SLC9A9: variants seen among roughly 807,000 people sequenced by gnomAD.
SLC9A9 encodes solute carrier family 9 member A9, also known as sodium/hydrogen exchanger 9.
SLC9A9 carries 62 observed loss-of-function variants against 77.8 expected under a neutral mutation model. The observed-to-expected ratio is 0.80, with a 90% confidence interval of 0.65 to 0.98. The LOEUF is 0.98. Among genes scored for constraint, SLC9A9 ranks in the 50% least tolerant of loss-of-function variants. The probability of loss-of-function intolerance (pLI) is 0.00; values close to 1 mark genes in which losing one functional copy is unlikely to be tolerated. For missense variants in SLC9A9, 775 were observed against 774.9 expected, an observed-to-expected ratio of 1.00 and a Z score of 0.00; for synonymous variants, 320 against 283.5, an observed-to-expected ratio of 1.13 and a Z score of -1.29.
chr3:143,635,110 G>A (rs1016632226), intron 6 of SLC9A9, among the ~76,000 whole-genome samples: 10 of 152,144 alleles, frequency 6.6e-5, no homozygotes, highest in Admixed American at 2.0e-4. Flanking sequence ...TCTGCTCCAC[G>A]TGGTATCAGC....
chr3:143,392,368 A>G (rs1380417207), intron 12 of SLC9A9, among the ~76,000 whole-genome samples: 1 of 152,202 alleles, frequency 6.6e-6, no homozygotes, highest in Admixed American at 6.5e-5. Flanking sequence ...TAAGTGAAGG[A>G]GAAATAAAAT....
At chr3:143,596,508 T>C (rs1188871640) in intron 6 of SLC9A9, among the ~76,000 whole-genome samples, 1 of 152,206 alleles carries the variant, frequency 6.6e-6, no homozygotes, top group East Asian at 1.9e-4. Flanking sequence ...TTCGGTTTCC[T>C]CATAGATAGA....
rs1357022577 is a variant in SLC9A9, at chr3:143,743,237, GGATGGATA to G, written c.534-49938_534-49931del. ...TGGATGGATGGATGGATGGATGGATGGATGGATAGATAGATAGATAGATAGATAGATAG... is the reference window on the plus strand; with the variant it reads ...TGGATGGATGGATGGATGGATGGATGGATAGATAGATAGATAGATAGATAG... On this transcript the variant is annotated intron_variant, in intron 4 of 15. Transcript: ENST00000316549. Among the ~76,000 whole-genome samples the G allele has an allele frequency of 4.9e-3, 664 of 134,388 alleles. 5 individuals carry two copies. The highest frequency in any genetic ancestry group is 0.011 in the African/African-American group (385 of 35,086). 88.2% of individuals were successfully genotyped at this position (134,388 alleles called of 152,430 possible). A position where few individuals can be genotyped will look rare whatever the true frequency, so the allele number is the denominator to read the frequency against.
In SLC9A9 at chr3:143,304,546, C is replaced by A. The variant is rs188325390; in HGVS notation, c.1605-35566G>T. On this transcript the variant is annotated intron_variant, in intron 14 of 15. Transcript: ENST00000316549. ...TGGCTTCATCTTGGCAGCATTCAGG[C>A]CTTGGGTTAAGAACTTGGTTTCGAG... 2.7e-3 allele frequency among the ~76,000 whole-genome samples: 406 copies of A among 152,298 alleles called. 2 individuals are homozygous for A. The highest frequency in any genetic ancestry group is 9.7e-3 in the African/African-American group (402 of 41,546).
chr3:143,828,774 T>C (rs2009364354), intron 2 of SLC9A9, among the ~76,000 whole-genome samples: 1 of 152,328 alleles, frequency 6.6e-6, no homozygotes, highest in South Asian at 2.1e-4. Context: ...AAAGTTCTTG[T>C]TGTGTTGAGT....
At chr3:143,717,558 A>G (rs1244687741) in intron 4 of SLC9A9, among the ~76,000 whole-genome samples, 1 of 152,180 alleles carries the variant, frequency 6.6e-6, no homozygotes, top group Admixed American at 6.5e-5. Flanking sequence ...AATGGAAACA[A>G]TCCATTGGAG....
chr3:143,411,450 A>C (rs2034094861), intron 12 of SLC9A9, among the ~76,000 whole-genome samples: 1 of 152,102 alleles, frequency 6.6e-6, no homozygotes, highest in African/African-American at 2.4e-5. Context: ...TTTGTTCTCC[A>C]AGTCTCTTTT....
At chr3:143,836,992 C>T (rs111307699) in intron 1 of SLC9A9, among the ~76,000 whole-genome samples, 1,592 of 152,314 alleles carry the variant, frequency 0.01, 9 homozygotes, top group Non-Finnish European at 0.017. Context: ...ATTTCCCTTG[C>T]ATCTTACTGA....
intron 5 of SLC9A9, among the ~76,000 whole-genome samples, chr3:143,664,108 C>G (rs1188931759): frequency 6.6e-6 from 1 of 152,108 alleles, no homozygotes; most frequent in Non-Finnish European, 1.5e-5. Context: ...CAAAGGGAAT[C>G]CCAACAGACT....
chr3:143,761,917 A>G (rs1206570019), intron 4 of SLC9A9, among the ~76,000 whole-genome samples: 1 of 152,206 alleles, frequency 6.6e-6, no homozygotes, highest in African/African-American at 2.4e-5. Flanking sequence ...CACTATTCAC[A>G]ATAGCAAAGA....
intron 5 of SLC9A9, among the ~76,000 whole-genome samples, chr3:143,690,817 AAAT>A (rs1366994421): frequency 6.6e-6 from 1 of 152,156 alleles, no homozygotes; most frequent in African/African-American, 2.4e-5. Flanking sequence ...TTTGTTGCTT[AAAT>A]TATACCATTG....
At chr3:143,282,873 A>G (rs1938265815) in intron 14 of SLC9A9, among the ~76,000 whole-genome samples, 1 of 152,242 alleles carries the variant, frequency 6.6e-6, no homozygotes, top group South Asian at 2.1e-4. Flanking sequence ...ATAGTCAGAC[A>G]TAATCCTAAT....
rs374912383 is a variant in SLC9A9, at chr3:143,511,420, G to A, written c.1090-15972C>T. Among the ~76,000 whole-genome samples the A allele has an allele frequency of 7.2e-5, 11 of 152,302 alleles. No individual in the cohort carries two copies. The South Asian group carries it at 2.3e-3, about 32-fold the overall frequency. On this transcript the variant is annotated intron_variant, in intron 9 of 15. Coordinates refer to ENST00000316549, the MANE Select transcript of SLC9A9 (RefSeq NM_173653.4). ...TCCAGTTTTAATTGGGGAGGAAGGA[G>A]CCAGCAGCTGAAGCTATTTGCTATC...
chr3:143,802,720 G>A (rs896804696), intron 2 of SLC9A9, among the ~76,000 whole-genome samples: 3 of 152,090 alleles, frequency 2.0e-5, no homozygotes, highest in African/African-American at 7.2e-5. Context: ...CAATCTTCAA[G>A]AAAGGTAGAA....
rs186864086 is a variant in SLC9A9, at chr3:143,400,376, G to C, written c.1470-18262C>G. Among the ~76,000 whole-genome samples the C allele has an allele frequency of 1.3e-4, 20 of 152,258 alleles. No homozygotes were observed. The East Asian group carries it at 3.7e-3, about 28-fold the overall frequency. On this transcript the variant is annotated intron_variant, in intron 12 of 15. Coordinates refer to ENST00000316549, the MANE Select transcript of SLC9A9 (RefSeq NM_173653.4). Reference sequence around the variant, plus strand: ...GCCGTAAAAAAGAAAGGAATTAATGGCATCCGCAGGAACCTGGATGGAACT... The same window carrying C: ...GCCGTAAAAAAGAAAGGAATTAATGCCATCCGCAGGAACCTGGATGGAACT...
intron 4 of SLC9A9, among the ~76,000 whole-genome samples, chr3:143,768,900 G>A (rs2007418996): frequency 6.6e-6 from 1 of 152,130 alleles, no homozygotes. Context: ...GACATATGAA[G>A]AGCAAAAATA....
intron 6 of SLC9A9, among the ~76,000 whole-genome samples, chr3:143,583,152 C>T (rs2037484238): frequency 6.6e-6 from 1 of 150,394 alleles, no homozygotes; most frequent in African/African-American, 2.5e-5. Context: ...GACCTTGTCT[C>T]AAAATAAATA....
intron 12 of SLC9A9, among the ~76,000 whole-genome samples, chr3:143,412,592 A>G (rs2034115670): frequency 6.6e-6 from 1 of 152,108 alleles, no homozygotes; most frequent in Non-Finnish European, 1.5e-5. Flanking sequence ...TGGAAGTCCC[A>G]TCACTTTCCC....
chr3:143,400,720 CAA>C (rs36147058), intron 12 of SLC9A9, among the ~76,000 whole-genome samples: 7,924 of 137,274 alleles, frequency 0.058, 298 homozygotes, highest in African/African-American at 0.11. Flanking sequence ...TGAATTTATG[CAA>C]AAAAAAAAAA....
Sources: gnomAD v4.1 joint callset for allele counts (sites outside exome capture counted in the v4.1 genomes callset) on GRCh38, gnomAD v4.1.1 for gene constraint, MANE v1.5 for transcripts, NCBI Gene and HGNC (gene_info 2026-07-23, HGNC 2026-07-21) for gene names.